The following RABEP1 variants were observed in gnomAD, a reference collection of about 807,000 sequenced individuals.
RABEP1 encodes rab GTPase-binding effector protein 1.
RABEP1 carries 51 observed loss-of-function variants against 123.4 expected under a neutral mutation model. The observed-to-expected ratio is 0.41, with a 90% confidence interval of 0.33 to 0.52. The LOEUF (loss-of-function observed/expected upper bound fraction) is 0.52, where lower values mean the gene tolerates loss of function less well. Among genes scored for constraint, RABEP1 ranks in the 20% least tolerant of loss-of-function variants. The probability of loss-of-function intolerance (pLI) is 0.16; values close to 1 mark genes in which losing one functional copy is unlikely to be tolerated. For missense variants in RABEP1, 888 were observed against 996.3 expected (o/e 0.89, Z 1.46); for synonymous variants, 347 against 355.2 (o/e 0.98, Z 0.26).
intron 2 of RABEP1, among the ~76,000 whole-genome samples, chr17:5,327,723 T>C (rs1265422084): frequency 6.6e-6 from 1 of 152,188 alleles, no homozygotes; most frequent in Non-Finnish European, 1.5e-5. Flanking sequence ...ATTACCTTTT[T>C]GTTAAACTTT....
intron 10 of RABEP1, chr17:5,364,334 G>A (rs1386241781): frequency 6.6e-6 from 1 of 152,206 alleles, no homozygotes; most frequent in Admixed American, 6.5e-5. Context: ...GTAGTTATGT[G>A]GCTGGGCACA....
intron 2 of RABEP1, 22 bp from the exon 3 acceptor site, chr17:5,331,927 T>C: frequency 6.2e-7 from 1 of 1,606,660 alleles, no homozygotes; most frequent in Non-Finnish European, 8.5e-7. Flanking sequence ...ATTAATGGAC[T>C]ATCTTTTACT....
In RABEP1 at chr17:5,331,917, A is replaced by G. The variant is rs778778926; in HGVS notation, c.164-32A>G. ...GAATGCCAGTCTGATCAAAGTGAAC[A>G]TTAATGGACTATCTTTTACTTTTCT... On this transcript the variant is annotated intron_variant, in intron 2 of 17. Transcript: ENST00000537505. 9.4e-6 allele frequency: 15 copies of G among 1,590,982 alleles called. No individual in the cohort carries two copies. The South Asian group carries it at 1.4e-4, about 15-fold the overall frequency.
intron 1 of RABEP1, among the ~76,000 whole-genome samples, chr17:5,308,388 G>T (rs1327713300): frequency 2.0e-5 from 3 of 152,072 alleles, no homozygotes; most frequent in Non-Finnish European, 4.4e-5. Flanking sequence ...ACTACACCTG[G>T]CTAATTTTTG....
chr17:5,351,271 A>T (rs1180320041), intron 7 of RABEP1, among the ~76,000 whole-genome samples: 1 of 152,062 alleles, frequency 6.6e-6, no homozygotes, highest in Non-Finnish European at 1.5e-5. Flanking sequence ...TTGAAATTGC[A>T]TGAATAATAT....
rs748616340 is a variant in RABEP1, at chr17:5,332,108, G to C, written c.323G>C (p.Arg108Thr). The change falls in exon 3 of 18, where the codon AGA becomes ACA. Residue 108 changes from arginine (R) to threonine (T), a missense_variant. Transcript: ENST00000537505. ...CAAGAAGCTATAGATGAAGTGAAAA[G>C]ACAGTGGAGAGAAGAAGTTGCTTCA... ...TKQEAIDEVK[R>T]QWREEVASLQ... The C allele has an allele frequency of 3.7e-6, 6 of 1,614,108 alleles. No homozygotes were observed. The highest frequency in any genetic ancestry group is 5.1e-6 in the Non-Finnish European group (6 of 1,180,014).
intron 1 of RABEP1, among the ~76,000 whole-genome samples, chr17:5,291,888 G>T (rs1387404381): frequency 6.6e-6 from 1 of 152,208 alleles, no homozygotes; most frequent in African/African-American, 2.4e-5. Context: ...CTGGGGGAAA[G>T]AGCGATACTC....
intron 1 of RABEP1, among the ~76,000 whole-genome samples, chr17:5,297,558 A>G (rs757629471): frequency 1.3e-5 from 2 of 152,174 alleles, no homozygotes; most frequent in East Asian, 3.8e-4. Flanking sequence ...GCTGTATATC[A>G]ATAGGTTAGC....
At chr17:5,307,502 CATT>C (rs1222121999) in intron 1 of RABEP1, among the ~76,000 whole-genome samples, 1 of 152,208 alleles carries the variant, frequency 6.6e-6, no homozygotes, top group African/African-American at 2.4e-5. Context: ...GGCAAATCAT[CATT>C]ATCTGGAGTG....
chr17:5,376,707 CT>C (rs1411775644), intron 13 of RABEP1, among the ~76,000 whole-genome samples: 1 of 152,030 alleles, frequency 6.6e-6, no homozygotes, highest in East Asian at 1.9e-4. Flanking sequence ...AAATGTTATC[CT>C]CTTAGTTCAC....
chr17:5,302,036 A>G (rs2075139255), intron 1 of RABEP1, among the ~76,000 whole-genome samples: 1 of 152,148 alleles, frequency 6.6e-6, no homozygotes, highest in Non-Finnish European at 1.5e-5. Flanking sequence ...TTTAGATCAG[A>G]CTGTCATATT....
At position 5,354,396 on chromosome 17, in the gene RABEP1, A is replaced by T. The variant is rs745315752; in HGVS notation, c.1001A>T (p.Asp334Val). The T allele has an allele frequency of 8.1e-6, 13 of 1,613,166 alleles. No homozygotes were observed. The highest frequency in any genetic ancestry group is 1.0e-5 in the Non-Finnish European group (12 of 1,179,522). ...CAACAAAGACTCAATAAGAGAAAGGATCACAAAAAAGCAGATGTTGAGGAA... is the reference window on the plus strand; with the variant it reads ...CAACAAAGACTCAATAAGAGAAAGGTTCACAAAAAAGCAGATGTTGAGGAA... ...DEQQRLNKRK[D>V]HKKADVEEEI... The change falls in exon 8 of 18, where the codon GAT (aspartate) becomes GTT (valine). Residue 334 changes from aspartate (D) to valine (V), a missense_variant. By Grantham distance (152) the Asp-to-Val change is radical. Coordinates refer to ENST00000537505, the MANE Select transcript of RABEP1 (RefSeq NM_004703.6).
chr17:5,288,849 G>A (rs557438162), intron 1 of RABEP1, among the ~76,000 whole-genome samples: 3 of 151,604 alleles, frequency 2.0e-5, no homozygotes, highest in South Asian at 2.1e-4. Context: ...GATTACAGGC[G>A]TGCACCACTA....
intron 1 of RABEP1, among the ~76,000 whole-genome samples, chr17:5,289,720 AT>A (rs1157486430): frequency 6.6e-6 from 1 of 151,090 alleles, no homozygotes; most frequent in African/African-American, 2.4e-5. Context: ...AGCACCCTTT[AT>A]TTTTTTTTCT....
intron 8 of RABEP1, among the ~76,000 whole-genome samples, chr17:5,357,376 CTT>C (rs1038905176): frequency 1.1e-4 from 16 of 151,820 alleles, no homozygotes; most frequent in African/African-American, 3.9e-4. Flanking sequence ...TGATTTGTGA[CTT>C]TTTTTGTTTT....
intron 1 of RABEP1, among the ~76,000 whole-genome samples, chr17:5,296,940 T>C (rs1205078887): frequency 6.6e-6 from 1 of 152,066 alleles, no homozygotes; most frequent in Non-Finnish European, 1.5e-5. Flanking sequence ...GGTTTCACCA[T>C]GTTGCTCAGA....
intron 3 of RABEP1, among the ~76,000 whole-genome samples, chr17:5,332,766 G>A (rs1906687470): frequency 6.6e-6 from 1 of 151,792 alleles, no homozygotes; most frequent in Non-Finnish European, 1.5e-5. Context: ...GTGCCACCAC[G>A]CCCAGCTAAT....
At chr17:5,323,764 A>G (rs191510508) in intron 2 of RABEP1, among the ~76,000 whole-genome samples, 1 of 129,134 alleles carries the variant, frequency 7.7e-6, no homozygotes, top group African/African-American at 2.9e-5. Flanking sequence ...CTAGGAATAT[A>G]TATATATATC....
intron 13 of RABEP1, among the ~76,000 whole-genome samples, chr17:5,376,679 A>G (rs950408606): frequency 1.3e-5 from 2 of 152,184 alleles, no homozygotes; most frequent in African/African-American, 4.8e-5. Context: ...GAATGAATGA[A>G]TAAGTGAGTA....
Sources: allele counts gnomAD v4.1 joint callset (sites outside exome capture counted in the v4.1 genomes callset), GRCh38; gene constraint gnomAD v4.1.1; transcripts MANE v1.5; gene names NCBI Gene and HGNC (gene_info 2026-07-23, HGNC 2026-07-21).